The following AHCY variants were observed in gnomAD, a reference collection of about 807,000 sequenced individuals.
AHCY encodes adenosylhomocysteinase.
In AHCY, 24 loss-of-function variants were observed where a neutral mutation model predicts 45.4. The observed-to-expected ratio is 0.53, with a 90% confidence interval of 0.38 to 0.74. AHCY has a LOEUF of 0.74. Among genes scored for constraint, AHCY ranks in the 30% least tolerant of loss-of-function variants. AHCY has a pLI of 0.00. For missense variants in AHCY, 449 were observed against 594.1 expected (o/e 0.76, Z 2.54); for synonymous variants, 245 against 235.1 (o/e 1.04, Z -0.39).
intron 3 of AHCY, among the ~76,000 whole-genome samples, chr20:34,293,130 C>T (rs2036456096): frequency 6.6e-6 from 1 of 152,152 alleles, no homozygotes; most frequent in Non-Finnish European, 1.5e-5. Flanking sequence ...CTCATTCTTC[C>T]TCATAGAAAC....
chr20:34,280,066 T>C (rs563874289), downstream of AHCY, among the ~76,000 whole-genome samples: 1 of 152,282 alleles, frequency 6.6e-6, no homozygotes, highest in East Asian at 1.9e-4. Context: ...CACTCCAGCC[T>C]GGGTGACGGA....
chr20:34,265,192 C>CAGTA, the AHCY span, among the ~76,000 whole-genome samples: 1 of 152,072 alleles, frequency 6.6e-6, no homozygotes, highest in Non-Finnish European at 1.5e-5. Flanking sequence ...TTCTGGCCAA[C>CAGTA]AGTAGGCTAT....
upstream of AHCY, among the ~76,000 whole-genome samples, chr20:34,303,803 G>A (rs1212960668): frequency 6.6e-6 from 1 of 152,132 alleles, no homozygotes; most frequent in Non-Finnish European, 1.5e-5. Context: ...AGACCATCCT[G>A]GGCAACACAG....
downstream of AHCY, among the ~76,000 whole-genome samples, chr20:34,278,780 A>C (rs1206315746): frequency 6.6e-6 from 1 of 152,184 alleles, no homozygotes; most frequent in Non-Finnish European, 1.5e-5. Context: ...ATGTAAAGAT[A>C]CATCATATCT....
chr20:34,244,019 T>C, the AHCY span, among the ~76,000 whole-genome samples: 2 of 152,128 alleles, frequency 1.3e-5, no homozygotes, highest in Non-Finnish European at 2.9e-5. Context: ...GAGCCGAGAT[T>C]GCGCCACTGC....
chr20:34,303,798 A>G (rs60236220), upstream of AHCY, among the ~76,000 whole-genome samples: 13 of 152,152 alleles, frequency 8.5e-5, no homozygotes, highest in African/African-American at 2.7e-4. Flanking sequence ...GTTCAAGACC[A>G]TCCTGGGCAA....
At chr20:34,268,958 C>T in the AHCY span, 10 of 1,572,406 alleles carry the variant, frequency 6.4e-6, no homozygotes, top group South Asian at 1.0e-4. Context: ...GTGGGCGTGG[C>T]CGGCTCATAA....
At chr20:34,236,380 A>G in the AHCY span, among the ~76,000 whole-genome samples, 5 of 152,100 alleles carry the variant, frequency 3.3e-5, no homozygotes, top group East Asian at 7.8e-4. Flanking sequence ...TCTCTACTAA[A>G]AATACACAAA....
At chr20:34,293,917 G>C in intron 3 of AHCY, 164 bp downstream of exon 3, 2 of 741,266 alleles carry the variant, frequency 2.7e-6, no homozygotes, top group South Asian at 3.0e-5. Flanking sequence ...GATGATGATG[G>C]GACAAAGCAG....
chr20:34,259,782 A>G, the AHCY span, among the ~76,000 whole-genome samples: 1 of 152,042 alleles, frequency 6.6e-6, no homozygotes, highest in Non-Finnish European at 1.5e-5. Context: ...CAAATAAATA[A>G]ATACATAAAT....
the AHCY span, among the ~76,000 whole-genome samples, chr20:34,255,888 G>C: frequency 1.3e-5 from 2 of 152,148 alleles, no homozygotes; most frequent in South Asian, 2.1e-4. Context: ...CCGAGAAAGG[G>C]AGTCTCCCTT....
At chr20:34,276,174 A>G (rs1343619461), downstream of AHCY, among the ~76,000 whole-genome samples, 1 of 152,132 alleles carries the variant, frequency 6.6e-6, no homozygotes, top group Non-Finnish European at 1.5e-5. Flanking sequence ...GGCAAATTCT[A>G]CACTTGGTGT....
chr20:34,279,111 A>C (rs2035939651), downstream of AHCY, among the ~76,000 whole-genome samples: 1 of 4,468 alleles, frequency 2.2e-4, no homozygotes, highest in African/African-American at 5.9e-4. Flanking sequence ...CTCCGTCTCA[A>C]AAAAAAAAAA....
At chr20:34,278,505 A>G (rs542995369), downstream of AHCY, among the ~76,000 whole-genome samples, 1 of 152,306 alleles carries the variant, frequency 6.6e-6, no homozygotes. Context: ...TTATCGTCCC[A>G]GCAGCCACCC....
chr20:34,303,160 G>A (rs1005430850), intron 1 of AHCY, 83 bp downstream of exon 1: 7 of 1,542,444 alleles, frequency 4.5e-6, no homozygotes, highest in African/African-American at 1.4e-5. Context: ...AGAGAGCCCC[G>A]AGTCGGCCCT....
chr20:34,286,193 T>G (rs543696506), intron 8 of AHCY: 1 of 178,190 alleles, frequency 5.6e-6, no homozygotes, highest in Non-Finnish European at 1.2e-5. Flanking sequence ...TCACACTTGC[T>G]TGGCGCATAT....
chr20:34,295,700 C>T lies in AHCY; in HGVS notation c.29-115G>A, dbSNP rs2036558015. 7 of 1,055,002 alleles carry T rather than the reference C, an allele frequency of 6.6e-6. No homozygotes were observed. In the South Asian group the frequency reaches 9.5e-5, roughly 14 times the overall value. The allele number at this position is 1,055,002 out of a possible 1,614,324, so 65.4% of individuals were successfully genotyped here. On this transcript the variant is annotated intron_variant, in intron 1 of 9. Coordinates refer to ENST00000217426, the MANE Select transcript of AHCY (RefSeq NM_000687.4). ...GGACTCAACACACTAGGGCTTAGCACTCTGTCACCGCATTCTCTCACTCAT... is the reference window on the plus strand; with the variant it reads ...GGACTCAACACACTAGGGCTTAGCATTCTGTCACCGCATTCTCTCACTCAT...
chr20:34,306,921 CAA>C (rs1568820559), upstream of AHCY, among the ~76,000 whole-genome samples: 1 of 152,054 alleles, frequency 6.6e-6, no homozygotes, highest in Non-Finnish European at 1.5e-5. Context: ...GGGACGGGAG[CAA>C]GAGAGAGGTA....
chr20:34,259,512 C>CA, the AHCY span, among the ~76,000 whole-genome samples: 2 of 150,180 alleles, frequency 1.3e-5, no homozygotes, highest in Admixed American at 6.6e-5. Flanking sequence ...GACTCTGTCT[C>CA]AAAAAAAATA....
Sources: gnomAD v4.1 joint callset for allele counts (sites outside exome capture counted in the v4.1 genomes callset) on GRCh38, gnomAD v4.1.1 for gene constraint, MANE v1.5 for transcripts, NCBI Gene and HGNC (gene_info 2026-07-23, HGNC 2026-07-21) for gene names.